The following DTNB variants were observed in gnomAD, a reference collection of about 807,000 sequenced individuals.
The protein encoded by DTNB is DTN-B.
A neutral mutation model predicts 90.7 loss-of-function variants in DTNB; 63 were observed. That is an observed-to-expected ratio of 0.69 (90% CI 0.57 to 0.86). The LOEUF (loss-of-function observed/expected upper bound fraction) is 0.86, where lower values mean the gene tolerates loss of function less well. Among genes scored for constraint, DTNB ranks in the 40% least tolerant of loss-of-function variants. The pLI is 0.00. For synonymous variants in DTNB, 277 were observed against 286.7 expected (o/e 0.97, Z 0.34); for missense variants, 744 against 807.1 (o/e 0.92, Z 0.95).
At position 25,633,934 on chromosome 2, in the gene DTNB, G is replaced by A. The variant is rs561130313; in HGVS notation, c.148+5080C>T. Among the ~76,000 whole-genome samples the A allele has an allele frequency of 4.5e-3, 679 of 151,446 alleles. 6 individuals are homozygous for A. Among genetic ancestry groups the A allele is most frequent in the African/African-American group, 0.016 (659 of 41,222 alleles). Reference sequence around the variant, plus strand: ...TGAGAAGTGAGGAGACCCTCCGCCTGGCAACCGCCCCGTCTGAGAAGTGAG... The same window carrying A: ...TGAGAAGTGAGGAGACCCTCCGCCTAGCAACCGCCCCGTCTGAGAAGTGAG... On this transcript the variant is annotated intron_variant, in intron 3 of 20. Coordinates refer to ENST00000406818, the MANE Select transcript of DTNB (RefSeq NM_021907.5).
intron 14 of DTNB, 131 bp from the exon 15 acceptor site, chr2:25,427,762 A>G (rs34648410): frequency 0.23 from 170,323 of 746,446 alleles, 21,638 homozygotes; most frequent in Non-Finnish European, 0.26. Context: ...TTAGCATCCA[A>G]TACCTCATAA....
intron 6 of DTNB, among the ~76,000 whole-genome samples, chr2:25,593,362 C>T (rs1298546132): frequency 6.6e-6 from 1 of 152,182 alleles, no homozygotes; most frequent in Non-Finnish European, 1.5e-5. Flanking sequence ...TGAAGCAAAA[C>T]AAACCATGAG....
chr2:25,567,194 G>C (rs974618830), intron 8 of DTNB, among the ~76,000 whole-genome samples: 1 of 152,190 alleles, frequency 6.6e-6, no homozygotes, highest in East Asian at 1.9e-4. Context: ...TTTGCACAAA[G>C]TTAATTGTTT....
intron 6 of DTNB, among the ~76,000 whole-genome samples, chr2:25,587,703 T>C (rs916214082): frequency 2.0e-5 from 3 of 152,222 alleles, no homozygotes; most frequent in South Asian, 2.1e-4. Context: ...AGGATTCATT[T>C]AGTAAGACAC....
chr2:25,499,907 T>G (rs1216928577), intron 9 of DTNB, among the ~76,000 whole-genome samples: 1 of 152,170 alleles, frequency 6.6e-6, no homozygotes, highest in African/African-American at 2.4e-5. Flanking sequence ...TTTTTTGGTT[T>G]TGTTTTGAGA....
At chr2:25,539,163 T>C (rs540908431) in intron 8 of DTNB, among the ~76,000 whole-genome samples, 1 of 152,322 alleles carries the variant, frequency 6.6e-6, no homozygotes, top group Admixed American at 6.5e-5. Context: ...CTGACAAACA[T>C]TTGGGGTGTT....
At chr2:25,576,689 T>G in intron 8 of DTNB, 149 bp downstream of exon 8, 1 of 1,027,282 alleles carries the variant, frequency 9.7e-7, no homozygotes, top group South Asian at 2.7e-5. Flanking sequence ...AAGCACAACA[T>G]TTTTGCAATC....
At chr2:25,471,791 T>C (rs969195518) in intron 10 of DTNB, among the ~76,000 whole-genome samples, 2 of 143,796 alleles carry the variant, frequency 1.4e-5, no homozygotes, top group African/African-American at 5.0e-5. Flanking sequence ...CCCCCCCATT[T>C]ATGTTTTCTC....
At chr2:25,595,343 T>C (rs1426983059) in intron 6 of DTNB, among the ~76,000 whole-genome samples, 10 of 152,242 alleles carry the variant, frequency 6.6e-5, no homozygotes, top group Admixed American at 6.5e-4. Context: ...TTTTAGAATA[T>C]GTCAATATCC....
chr2:25,405,467 G>T (rs2044866731), intron 16 of DTNB, among the ~76,000 whole-genome samples: 1 of 152,150 alleles, frequency 6.6e-6, no homozygotes, highest in South Asian at 2.1e-4. Context: ...CTTGAACTGG[G>T]AAACGGAGGT....
intron 15 of DTNB, among the ~76,000 whole-genome samples, chr2:25,423,235 A>T (rs946117323): frequency 2.6e-5 from 4 of 152,134 alleles, no homozygotes; most frequent in African/African-American, 9.7e-5. Context: ...AGGGTCCTTG[A>T]TACTCCTTGA....
intron 3 of DTNB, among the ~76,000 whole-genome samples, chr2:25,628,639 G>A (rs547978102): frequency 3.3e-5 from 5 of 152,204 alleles, no homozygotes; most frequent in South Asian, 2.1e-4. Flanking sequence ...TCTGCAAATA[G>A]TGACCCATGC....
intron 2 of DTNB, among the ~76,000 whole-genome samples, chr2:25,650,877 C>G (rs2148927171): frequency 6.6e-6 from 1 of 152,220 alleles, no homozygotes. Context: ...ATGAGAATCA[C>G]TTGAACCCAG....
At chr2:25,606,414 T>C (rs1410124610) in intron 5 of DTNB, among the ~76,000 whole-genome samples, 1 of 152,168 alleles carries the variant, frequency 6.6e-6, no homozygotes, top group Non-Finnish European at 1.5e-5. Flanking sequence ...GGGAGCACAA[T>C]CACATAGCTC....
chr2:25,650,294 T>G (rs2080584280), intron 2 of DTNB: 12 of 964,550 alleles, frequency 1.2e-5, no homozygotes, highest in African/African-American at 1.8e-5. Flanking sequence ...AGTCAGGGAC[T>G]GTGTTTTGTT....
chr2:25,459,987 T>C (rs941712186), intron 10 of DTNB, among the ~76,000 whole-genome samples: 1 of 152,070 alleles, frequency 6.6e-6, no homozygotes, highest in African/African-American at 2.4e-5. Flanking sequence ...AGTAAACTGC[T>C]AGAGAACAGG....
chr2:25,473,705 C>A (rs2063235763), intron 10 of DTNB, among the ~76,000 whole-genome samples: 1 of 152,204 alleles, frequency 6.6e-6, no homozygotes, highest in South Asian at 2.1e-4. Flanking sequence ...TGGTTCCCAA[C>A]CTTGTTCTTC....
intron 8 of DTNB, among the ~76,000 whole-genome samples, chr2:25,559,008 A>T (rs530946652): frequency 6.6e-6 from 1 of 152,322 alleles, no homozygotes; most frequent in Admixed American, 6.5e-5. Flanking sequence ...AGATGAACCC[A>T]GAGCCCTGCA....
chr2:25,509,835 C>T (rs546979011), intron 9 of DTNB, among the ~76,000 whole-genome samples: 7 of 147,690 alleles, frequency 4.7e-5, no homozygotes, highest in African/African-American at 1.5e-4. Context: ...ATTGCAACCT[C>T]CATCTCTTGG....
Sources: gnomAD v4.1 joint callset for allele counts (sites outside exome capture counted in the v4.1 genomes callset) on GRCh38, gnomAD v4.1.1 for gene constraint, MANE v1.5 for transcripts, NCBI Gene and HGNC (gene_info 2026-07-23, HGNC 2026-07-21) for gene names.